ASTN2: variants seen among roughly 807,000 people sequenced by gnomAD.
The protein encoded by ASTN2 is astrotactin 2.
A neutral mutation model predicts 139.8 loss-of-function variants in ASTN2; 54 were observed. That is an observed-to-expected ratio of 0.39 (90% CI 0.31 to 0.48). The LOEUF (loss-of-function observed/expected upper bound fraction) is 0.48, where lower values mean the gene tolerates loss of function less well. Among genes scored for constraint, ASTN2 ranks in the 20% least tolerant of loss-of-function variants. The pLI is 0.95. For missense variants in ASTN2, 1,565 were observed against 1,725.1 expected, an observed-to-expected ratio of 0.91 and a Z score of 1.64; for synonymous variants, 756 against 719.5, an observed-to-expected ratio of 1.05 and a Z score of -0.81.
rs2132269835 is a variant in ASTN2 at position 116,820,552 on chromosome 9, T to A, written c.2207+65A>T. On this transcript the variant is annotated intron_variant, in intron 12 of 22. Coordinates refer to ENST00000313400, the MANE Select transcript of ASTN2 (RefSeq NM_001365068.1). ...AGCCTTGCTGAGCTGTAGTGTCTGA[T>A]CATTTTCCCATGCATCCCTCACTTC... 5 of 1,556,852 alleles carry A rather than the reference T, an allele frequency of 3.2e-6. No individual in the cohort carries two copies. The South Asian group carries it at 6.1e-5, about 19-fold the overall frequency.
chr9:117,312,457 C>CT (rs1828004071), intron 1 of ASTN2, among the ~76,000 whole-genome samples: 1 of 152,148 alleles, frequency 6.6e-6, no homozygotes, highest in South Asian at 2.1e-4. Context: ...AATTGCTTTG[C>CT]TTTCACCGGA....
At chr9:116,860,277 A>G (rs1832843557) in intron 11 of ASTN2, among the ~76,000 whole-genome samples, 1 of 152,238 alleles carries the variant, frequency 6.6e-6, no homozygotes, top group African/African-American at 2.4e-5. Flanking sequence ...ATTCAGTTAC[A>G]GAAACGTAAT....
At chr9:116,504,783 C>G (rs937528571) in intron 19 of ASTN2, among the ~76,000 whole-genome samples, 2 of 151,030 alleles carry the variant, frequency 1.3e-5, no homozygotes, top group Non-Finnish European at 2.9e-5. Flanking sequence ...GTAGCTCCAG[C>G]TACTCAGGAA....
chr9:116,954,272 G>A (rs764117497), intron 10 of ASTN2, among the ~76,000 whole-genome samples: 3 of 152,160 alleles, frequency 2.0e-5, no homozygotes, highest in East Asian at 1.9e-4. Flanking sequence ...CTCTGACCTC[G>A]AAGTCAAAGT....
chr9:116,749,856 C>G (rs1279458649), intron 13 of ASTN2, among the ~76,000 whole-genome samples: 3 of 152,150 alleles, frequency 2.0e-5, no homozygotes, highest in African/African-American at 7.2e-5. Flanking sequence ...CTTGCTCTCA[C>G]TCTCATTATG....
chr9:116,516,094 G>A (rs545946691), intron 19 of ASTN2, among the ~76,000 whole-genome samples: 58 of 152,230 alleles, frequency 3.8e-4, no homozygotes, highest in Middle Eastern at 3.4e-3. Flanking sequence ...ATATAAATAC[G>A]ATTTCTTGAA....
intron 10 of ASTN2, among the ~76,000 whole-genome samples, chr9:116,943,660 C>T (rs1234876036): frequency 6.6e-6 from 1 of 152,104 alleles, no homozygotes; most frequent in Non-Finnish European, 1.5e-5. Flanking sequence ...CCTAATTTCC[C>T]CAACATAAAA....
chr9:117,087,403 T>A (rs73527187), intron 5 of ASTN2, among the ~76,000 whole-genome samples: 13,789 of 152,054 alleles, frequency 0.091, 1,462 homozygotes, highest in African/African-American at 0.25. Context: ...TCTGGCTAAT[T>A]TTTTTGTAGA....
chr9:116,588,827 C>T (rs1051957913), intron 19 of ASTN2, among the ~76,000 whole-genome samples: 2 of 152,118 alleles, frequency 1.3e-5, no homozygotes, highest in East Asian at 1.9e-4. Flanking sequence ...AGCTGACCCA[C>T]ATCTTAGCAA....
chr9:116,504,620 T>C lies in ASTN2; in HGVS notation c.3356-17120A>G, dbSNP rs543950442. Among the ~76,000 whole-genome samples, 3 of 152,250 alleles carry C rather than the reference T, an allele frequency of 2.0e-5. No individual in the cohort carries two copies. The South Asian group carries it at 6.2e-4, about 32-fold the overall frequency. On this transcript the variant is annotated intron_variant, in intron 19 of 22. Coordinates refer to ENST00000313400, the MANE Select transcript of ASTN2 (RefSeq NM_001365068.1). ...TTCAGAATAACAGTGACAATTGATA[T>C]AACTTAAGCATTCACAATGTTAGAT...
intron 4 of ASTN2, among the ~76,000 whole-genome samples, chr9:117,111,112 C>T (rs1266291741): frequency 6.6e-6 from 1 of 152,164 alleles, no homozygotes; most frequent in Non-Finnish European, 1.5e-5. Flanking sequence ...AAAACATGAG[C>T]ATTAAAGAAA....
intron 16 of ASTN2, among the ~76,000 whole-genome samples, chr9:116,688,515 C>T (rs1456912800): frequency 1.3e-5 from 2 of 152,126 alleles, no homozygotes; most frequent in Non-Finnish European, 2.9e-5. Flanking sequence ...ATCTTCAGTT[C>T]AGATAATCCT....
At chr9:116,473,807 C>G (rs531982895) in intron 20 of ASTN2, among the ~76,000 whole-genome samples, 22 of 152,002 alleles carry the variant, frequency 1.4e-4, no homozygotes, top group African/African-American at 5.3e-4. Flanking sequence ...GAGGCTGAGG[C>G]AGGAGAATCG....
intron 13 of ASTN2, among the ~76,000 whole-genome samples, chr9:116,739,909 G>C (rs1372742426): frequency 6.6e-6 from 1 of 152,174 alleles, no homozygotes; most frequent in Non-Finnish European, 1.5e-5. Context: ...CTGATGTTTT[G>C]CCAGAGTCTC....
At chr9:116,613,234 A>C (rs984540896) in intron 19 of ASTN2, 4 of 152,224 alleles carry the variant, frequency 2.6e-5, no homozygotes, top group African/African-American at 9.7e-5. Flanking sequence ...GCCATAATTA[A>C]TAGCCTACTA....
intron 7 of ASTN2, among the ~76,000 whole-genome samples, chr9:116,989,392 G>C (rs1025485553): frequency 6.6e-6 from 1 of 152,106 alleles, no homozygotes; most frequent in Non-Finnish European, 1.5e-5. Context: ...TTTCTGAGGG[G>C]TTCCTTTCTC....
Position 116,944,511 on chromosome 9 carries a change from C to A in ASTN2, c.1889+30697G>T, listed in dbSNP as rs183609421. ...GCCTGGCCAACATGGGGAAATCCTGCCTCTACTAAAAATACAAAAATTGGC... is the reference window on the plus strand; with the variant it reads ...GCCTGGCCAACATGGGGAAATCCTGACTCTACTAAAAATACAAAAATTGGC... On this transcript the variant is annotated intron_variant, in intron 10 of 22. Transcript: ENST00000313400. 1.8e-4 allele frequency among the ~76,000 whole-genome samples: 27 copies of A among 151,468 alleles called. No individual in the cohort carries two copies. The East Asian group carries it at 4.3e-3, about 24-fold the overall frequency.
chr9:117,099,284 G>A (rs1828916468), intron 4 of ASTN2, among the ~76,000 whole-genome samples: 1 of 152,110 alleles, frequency 6.6e-6, no homozygotes, highest in South Asian at 2.1e-4. Context: ...CTGTTAGGAG[G>A]CCACCCAAGA....
At chr9:116,449,714 C>T (rs1848117906) in intron 20 of ASTN2, among the ~76,000 whole-genome samples, 2 of 152,100 alleles carry the variant, frequency 1.3e-5, no homozygotes, top group Non-Finnish European at 1.5e-5. Flanking sequence ...GGGGATGCAG[C>T]TACCACCTTG....
Sources: allele counts gnomAD v4.1 joint callset (sites outside exome capture counted in the v4.1 genomes callset), GRCh38; gene constraint gnomAD v4.1.1; transcripts MANE v1.5; gene names NCBI Gene and HGNC (gene_info 2026-07-23, HGNC 2026-07-21).